The following ADAMTS16 variants were observed in gnomAD, a reference collection of about 807,000 sequenced individuals.
ADAMTS16 encodes the protein A disintegrin and metalloproteinase with thrombospondin motifs 16.
In ADAMTS16, 94 loss-of-function variants were observed where a neutral mutation model predicts 145.8. The observed-to-expected ratio is 0.64, with a 90% CI of 0.55 to 0.77. The LOEUF is 0.77. Among genes scored for constraint, ADAMTS16 ranks in the 30% least tolerant of loss-of-function variants. The pLI is 0.00. For synonymous variants in ADAMTS16, 659 were observed against 604.3 expected (o/e 1.09, Z -1.33); for missense variants, 1,585 against 1,591.5 (o/e 1.00, Z 0.07).
At chr5:5,178,917 T>G (rs1735266105) in intron 3 of ADAMTS16, among the ~76,000 whole-genome samples, 1 of 151,906 alleles carries the variant, frequency 6.6e-6, no homozygotes, top group Non-Finnish European at 1.5e-5. Context: ...TGGTGCTGGG[T>G]GCACCAACAC....
chr5:5,199,969 G>A (rs780101438), intron 8 of ADAMTS16, among the ~76,000 whole-genome samples, 163 bp from the exon 9 acceptor site: 5 of 152,174 alleles, frequency 3.3e-5, no homozygotes, highest in Admixed American at 6.5e-5. Context: ...TGGAATACGT[G>A]AATATTCTTA....
At chr5:5,220,167 T>TTG (rs1338805310) in intron 10 of ADAMTS16, among the ~76,000 whole-genome samples, 1 of 140,376 alleles carries the variant, frequency 7.1e-6, no homozygotes, top group African/African-American at 2.7e-5. Context: ...TTTTTTTTTT[T>TTG]TTTTTTTTTT....
At chr5:5,260,049 A>C (rs1279875779) in intron 17 of ADAMTS16, among the ~76,000 whole-genome samples, 1 of 152,222 alleles carries the variant, frequency 6.6e-6, no homozygotes, top group Non-Finnish European at 1.5e-5. Flanking sequence ...GACTTACCAG[A>C]GTGCTGGAAA....
At chr5:5,280,236 C>T (rs894639817) in intron 18 of ADAMTS16, among the ~76,000 whole-genome samples, 2 of 152,148 alleles carry the variant, frequency 1.3e-5, no homozygotes, top group Non-Finnish European at 2.9e-5. Flanking sequence ...TTGAGAGACT[C>T]CTTCATCAAT....
chr5:5,173,125 C>T (rs1453222422), intron 3 of ADAMTS16, among the ~76,000 whole-genome samples: 5 of 150,210 alleles, frequency 3.3e-5, no homozygotes, highest in East Asian at 1.9e-4. Flanking sequence ...TTTTTAGTCA[C>T]CTATGGGTGA....
chr5:5,191,662 C>CT (rs750935475), intron 7 of ADAMTS16, 23 bp from the exon 8 acceptor site: 1 of 1,577,824 alleles, frequency 6.3e-7, no homozygotes, highest in Non-Finnish European at 8.7e-7. Flanking sequence ...GCTATGTGTT[C>CT]TTTTGATCTT....
chr5:5,182,187 G>A lies in ADAMTS16; in HGVS notation c.645G>A (p.Gly215=). The change falls in exon 4 of 23, where the codon GGG becomes GGA. Residue 215 remains glycine (G), a synonymous_variant. Coordinates refer to ENST00000274181, the MANE Select transcript of ADAMTS16 (RefSeq NM_139056.4). ...GATCCACAGAGCCCCATGCTCCTGG[G>A]GCCAGTGAGGTCCTGGTGACCTCAA... is the stretch of plus-strand genomic sequence containing the variant. The part of the protein sequence containing the change: ...YKRSTEPHAP[G]ASEVLVTSRT... 4.3e-6 allele frequency: 7 copies of A among 1,614,100 alleles called. No homozygotes were observed. The highest frequency in any genetic ancestry group is 5.9e-6 in the Non-Finnish European group (7 of 1,180,022).
At chr5:5,192,338 T>C (rs1735684000) in intron 8 of ADAMTS16, among the ~76,000 whole-genome samples, 1 of 152,198 alleles carries the variant, frequency 6.6e-6, no homozygotes, top group Non-Finnish European at 1.5e-5. Flanking sequence ...GAACGTGGTC[T>C]GGTGGGCTGA....
intron 9 of ADAMTS16, among the ~76,000 whole-genome samples, chr5:5,201,148 C>G (rs1355755022): frequency 6.6e-6 from 1 of 152,102 alleles, no homozygotes; most frequent in African/African-American, 2.4e-5. Flanking sequence ...GGACCTAGTT[C>G]CCCACTGCAG....
chr5:5,313,015 T>A (rs1197312436), intron 21 of ADAMTS16, among the ~76,000 whole-genome samples: 1 of 152,222 alleles, frequency 6.6e-6, no homozygotes, highest in Non-Finnish European at 1.5e-5. Context: ...ACAAGCTTTA[T>A]CATTATTTAA....
In ADAMTS16 at chr5:5,140,425, C is replaced by T; in HGVS notation, c.-43C>T. 2 of 1,486,850 alleles carry T rather than the reference C, an allele frequency of 1.3e-6. No homozygotes were observed. Among genetic ancestry groups the T allele is most frequent in the Non-Finnish European group, 1.8e-6 (2 of 1,125,934 alleles). 92.1% of individuals were successfully genotyped at this position (1,486,850 alleles called of 1,614,324 possible). A position where few individuals can be genotyped will look rare whatever the true frequency, so the allele number is the denominator to read the frequency against. Reference sequence around the variant, plus strand: ...CCCTGCCCGCTCGCACGCTGCCGGCCGGGGACCCTCCGGTGGCCCCTAGCC... The same window carrying T: ...CCCTGCCCGCTCGCACGCTGCCGGCTGGGGACCCTCCGGTGGCCCCTAGCC... On this transcript the variant is annotated 5_prime_UTR_variant, in exon 1 of 23. Transcript: ENST00000274181.
intron 3 of ADAMTS16, among the ~76,000 whole-genome samples, chr5:5,175,614 T>C (rs1735171009): frequency 6.6e-6 from 1 of 152,218 alleles, no homozygotes; most frequent in South Asian, 2.1e-4. Context: ...AGACTGCCTT[T>C]CAGGTTTATG....
At chr5:5,262,947 A>G (rs1738086591) in intron 18 of ADAMTS16, among the ~76,000 whole-genome samples, 164 bp downstream of exon 18, 1 of 152,086 alleles carries the variant, frequency 6.6e-6, no homozygotes, top group Non-Finnish European at 1.5e-5. Context: ...GGACCTAGAG[A>G]GTGTGTTTAG....
intron 3 of ADAMTS16, among the ~76,000 whole-genome samples, chr5:5,169,049 G>A (rs375530201): frequency 7.9e-5 from 12 of 151,592 alleles, no homozygotes; most frequent in African/African-American, 2.7e-4. Flanking sequence ...AGATGTTTTG[G>A]GATTTGATTT....
At chr5:5,154,260 G>A (rs149116335) in intron 3 of ADAMTS16, among the ~76,000 whole-genome samples, 1 of 152,260 alleles carries the variant, frequency 6.6e-6, no homozygotes, top group Non-Finnish European at 1.5e-5. Context: ...AGTCTTGGGA[G>A]GCATGTGAGA....
chr5:5,173,092 T>G (rs1434538031), intron 3 of ADAMTS16, among the ~76,000 whole-genome samples: 1 of 152,118 alleles, frequency 6.6e-6, no homozygotes, highest in Non-Finnish European at 1.5e-5. Flanking sequence ...TTCCTTTATT[T>G]TTAGTCTATT....
At position 5,232,319 on chromosome 5, in the gene ADAMTS16, CT is replaced by C. The variant is rs533598733; in HGVS notation, c.1702-48del. ...TATAGCAGTGATGAGATGAACCCAT[CT>C]ATCCATCTGTGTGAGTCAAGTCAAC... On this transcript the variant is annotated intron_variant, in intron 11 of 22. Coordinates refer to ENST00000274181, the MANE Select transcript of ADAMTS16 (RefSeq NM_139056.4). The C allele has an allele frequency of 6.6e-4, 1,056 of 1,606,250 alleles. 3 individuals carry two copies. In the African/African-American group the frequency reaches 7.3e-3, roughly 11 times the overall value.
chr5:5,178,405 C>T (rs1485776503), intron 3 of ADAMTS16, among the ~76,000 whole-genome samples: 2 of 152,176 alleles, frequency 1.3e-5, no homozygotes, highest in Non-Finnish European at 2.9e-5. Flanking sequence ...TTTTGAGTTT[C>T]CAAACAAATA....
intron 18 of ADAMTS16, among the ~76,000 whole-genome samples, chr5:5,283,859 G>A (rs753541831): frequency 6.6e-6 from 1 of 152,158 alleles, no homozygotes; most frequent in East Asian, 1.9e-4. Context: ...TTGCACTCCT[G>A]TAATGAGCCC....
Sources: allele counts gnomAD v4.1 joint callset (sites outside exome capture counted in the v4.1 genomes callset), GRCh38; gene constraint gnomAD v4.1.1; transcripts MANE v1.5; gene names NCBI Gene and HGNC (gene_info 2026-07-23, HGNC 2026-07-21).